MAN1A2: variants seen among roughly 807,000 people sequenced by gnomAD.
MAN1A2 encodes the protein mannosyl-oligosaccharide 1,2-alpha-mannosidase IB.
In MAN1A2, 26 loss-of-function variants were observed where a neutral mutation model predicts 75.7. That is an observed-to-expected ratio of 0.34 (90% CI 0.25 to 0.48). The LOEUF (loss-of-function observed/expected upper bound fraction) is 0.48. MAN1A2 is among the 20% of genes least tolerant of loss of function. The probability of loss-of-function intolerance (pLI) is 0.99; values close to 1 mark genes in which losing one functional copy is unlikely to be tolerated. For synonymous variants in MAN1A2, 247 were observed against 264.6 expected (o/e 0.93, Z 0.65); for missense variants, 562 against 775.5 (o/e 0.72, Z 3.27).
intron 2 of MAN1A2, among the ~76,000 whole-genome samples, chr1:117,405,042 A>G (rs1168062875): frequency 6.6e-6 from 1 of 152,136 alleles, no homozygotes; most frequent in Non-Finnish European, 1.5e-5. Context: ...GCGAGACTCC[A>G]TCTCAAACAA....
At chr1:117,381,887 G>A (rs1321817866) in intron 1 of MAN1A2, among the ~76,000 whole-genome samples, 3 of 151,790 alleles carry the variant, frequency 2.0e-5, no homozygotes, top group African/African-American at 7.3e-5. Context: ...TCTAACTGGT[G>A]TGAGATGGTA....
chr1:117,470,137 A>G (rs1650102300), intron 8 of MAN1A2, among the ~76,000 whole-genome samples: 1 of 152,182 alleles, frequency 6.6e-6, no homozygotes, highest in African/African-American at 2.4e-5. Flanking sequence ...AGCCATAAAA[A>G]GGAATGGAGT....
At chr1:117,454,876 A>G (rs1402112191) in intron 6 of MAN1A2, among the ~76,000 whole-genome samples, 2 of 152,098 alleles carry the variant, frequency 1.3e-5, no homozygotes, top group Non-Finnish European at 2.9e-5. Flanking sequence ...ATAAAGGTCT[A>G]CTGTGGGAAG....
At chr1:117,430,057 C>T (rs1363675009) in intron 5 of MAN1A2, among the ~76,000 whole-genome samples, 5 of 32,696 alleles carry the variant, frequency 1.5e-4, no homozygotes, top group Non-Finnish European at 1.8e-4. Context: ...CCCTCCCGGA[C>T]GGGGCGGCTG....
intron 8 of MAN1A2, among the ~76,000 whole-genome samples, chr1:117,481,475 T>C (rs1650496044): frequency 6.6e-6 from 1 of 151,958 alleles, no homozygotes; most frequent in African/African-American, 2.4e-5. Context: ...ATGTACTAGG[T>C]ATTGCTGTAT....
chr1:117,414,258 G>A (rs943660959), intron 3 of MAN1A2, among the ~76,000 whole-genome samples: 5 of 149,572 alleles, frequency 3.3e-5, no homozygotes, highest in Non-Finnish European at 5.9e-5. Context: ...TATATTTTTT[G>A]TCCTTTATAT....
At chr1:117,434,071 A>G (rs777046417) in intron 5 of MAN1A2, among the ~76,000 whole-genome samples, 1 of 152,202 alleles carries the variant, frequency 6.6e-6, no homozygotes, top group Non-Finnish European at 1.5e-5. Context: ...CTTTCTAAAG[A>G]GGTCAAAAGC....
At chr1:117,500,310 A>G (rs906167416) in intron 11 of MAN1A2, among the ~76,000 whole-genome samples, 1 of 151,938 alleles carries the variant, frequency 6.6e-6, no homozygotes, top group Non-Finnish European at 1.5e-5. Flanking sequence ...AAGTGCTGTC[A>G]TATGGGAAAT....
chr1:117,404,638 C>T (rs1557936581), intron 2 of MAN1A2, among the ~76,000 whole-genome samples: 1 of 152,146 alleles, frequency 6.6e-6, no homozygotes, highest in East Asian at 1.9e-4. Context: ...GTGTCAATAA[C>T]AATATGTGTA....
chr1:117,393,661 T>C (rs1390730995), intron 1 of MAN1A2, among the ~76,000 whole-genome samples: 1 of 152,188 alleles, frequency 6.6e-6, no homozygotes, highest in African/African-American at 2.4e-5. Flanking sequence ...ATTTAGCATT[T>C]TTTTTTAGTC....
chr1:117,468,334 T>C (rs1262308168), intron 8 of MAN1A2, among the ~76,000 whole-genome samples: 1 of 152,164 alleles, frequency 6.6e-6, no homozygotes, highest in Non-Finnish European at 1.5e-5. Flanking sequence ...AGTGTATATA[T>C]TTGTATGCTT....
rs2101800395 is a variant in MAN1A2 at position 117,432,728 on chromosome 1, G to C, written c.856-9503G>C. Reference sequence around the variant, plus strand: ...CCAGAGGAACAGGGAACATTTTGCAGCTCTACTTCAGAGGCCAGCATAGCA... The same window carrying C: ...CCAGAGGAACAGGGAACATTTTGCACCTCTACTTCAGAGGCCAGCATAGCA... On this transcript the variant is annotated intron_variant, in intron 5 of 12. Transcript: ENST00000356554. 1.3e-5 allele frequency among the ~76,000 whole-genome samples: 2 copies of C among 152,060 alleles called. 1 individual carries two copies. The highest frequency in any genetic ancestry group is 4.1e-4 in the South Asian group (2 of 4,822).
intron 6 of MAN1A2, among the ~76,000 whole-genome samples, chr1:117,456,137 A>C (rs1649574347): frequency 6.6e-6 from 1 of 152,096 alleles, no homozygotes; most frequent in Admixed American, 6.6e-5. Flanking sequence ...GGACTAAGGA[A>C]GACATCTACA....
intron 9 of MAN1A2, chr1:117,494,946 ATAT>A (rs1156281934): frequency 6.6e-6 from 1 of 150,950 alleles, no homozygotes; most frequent in African/African-American, 2.4e-5. Context: ...AATATATTTA[ATAT>A]TATATTTGAG....
chr1:117,476,939 T>G (rs1325986280), intron 8 of MAN1A2, among the ~76,000 whole-genome samples: 1 of 152,096 alleles, frequency 6.6e-6, no homozygotes, highest in East Asian at 1.9e-4. Flanking sequence ...ATCTGTAAAT[T>G]ACTATGGGCA....
intron 8 of MAN1A2, among the ~76,000 whole-genome samples, chr1:117,491,515 A>AC (rs61030593): frequency 0.86 from 130,476 of 152,008 alleles, 56,217 homozygotes; most frequent in East Asian, 0.94. Context: ...GCACCTGATC[A>AC]CCATTTTCTG....
chr1:117,385,229 A>G (rs1241179379), intron 1 of MAN1A2, among the ~76,000 whole-genome samples: 1 of 152,190 alleles, frequency 6.6e-6, no homozygotes, highest in Non-Finnish European at 1.5e-5. Flanking sequence ...TGCCCCAGGT[A>G]GATGAGCAGG....
chr1:117,379,387 C>T (rs1653258117), intron 1 of MAN1A2, among the ~76,000 whole-genome samples: 1 of 152,122 alleles, frequency 6.6e-6, no homozygotes, highest in Admixed American at 6.5e-5. Context: ...TATATCTTGA[C>T]ATCAGATAGT....
intron 12 of MAN1A2, among the ~76,000 whole-genome samples, chr1:117,505,561 T>C (rs1651333058): frequency 6.6e-6 from 1 of 151,122 alleles, no homozygotes; most frequent in Non-Finnish European, 1.5e-5. Context: ...GTGAAAAAGG[T>C]CAAACAAAAA....
Sources: gnomAD v4.1 joint callset for allele counts (sites outside exome capture counted in the v4.1 genomes callset) on GRCh38, gnomAD v4.1.1 for gene constraint, MANE v1.5 for transcripts, NCBI Gene and HGNC (gene_info 2026-07-23, HGNC 2026-07-21) for gene names.